The following OCA2 variants were observed in gnomAD, a reference collection of about 807,000 sequenced individuals.
OCA2 encodes the protein OCA2 melanosomal transmembrane protein.
Under a neutral mutation model 100.2 loss-of-function variants are expected in OCA2, and 77 were observed. The ratio of observed to expected loss-of-function variants is 0.77; its 90% CI spans 0.64 to 0.93. OCA2 has a LOEUF of 0.93. Ranked by LOEUF, OCA2 falls within the 40% of genes least tolerant of loss-of-function variation. The pLI is 0.00. For synonymous variants in OCA2, 432 were observed against 439.2 expected, an observed-to-expected ratio of 0.98 and a Z score of 0.21; for missense variants, 1,062 against 1,089.1, an observed-to-expected ratio of 0.98 and a Z score of 0.35.
At chr15:27,824,847 G>T (rs1255989305) in intron 23 of OCA2, among the ~76,000 whole-genome samples, 1 of 151,610 alleles carries the variant, frequency 6.6e-6, no homozygotes, top group Admixed American at 6.6e-5. Context: ...CCGAAGACAG[G>T]CCTCCGTGGA....
intron 1 of OCA2, among the ~76,000 whole-genome samples, chr15:28,083,163 C>G (rs1396401669): frequency 6.6e-6 from 1 of 152,174 alleles, no homozygotes; most frequent in Non-Finnish European, 1.5e-5. Flanking sequence ...GCCCCATGAG[C>G]ACAGAATTCC....
chr15:27,992,841 G>T (rs528890999), intron 9 of OCA2, among the ~76,000 whole-genome samples: 6 of 152,276 alleles, frequency 3.9e-5, no homozygotes, highest in Middle Eastern at 3.4e-3. Flanking sequence ...GCAAAGAGCC[G>T]GCCTGGCACA....
At chr15:27,955,856 C>G (rs1038394694) in intron 16 of OCA2, among the ~76,000 whole-genome samples, 19 of 152,084 alleles carry the variant, frequency 1.2e-4, no homozygotes, top group Non-Finnish European at 1.6e-4. Context: ...CCACTTGCCT[C>G]TTCTTTTTCA....
intron 14 of OCA2, among the ~76,000 whole-genome samples, chr15:27,975,130 C>T (rs1050966578): frequency 6.6e-5 from 10 of 152,242 alleles, no homozygotes; most frequent in South Asian, 4.1e-4. Flanking sequence ...CAGAATATTT[C>T]GATCTAGGAC....
chr15:27,730,975 T>TAA, the OCA2 span, among the ~76,000 whole-genome samples: 51 of 151,740 alleles, frequency 3.4e-4, no homozygotes, highest in African/African-American at 1.2e-3. Flanking sequence ...CTAAGTGAGT[T>TAA]AAAAATTTTT....
At chr15:27,969,895 T>G (rs1595738137) in intron 14 of OCA2, among the ~76,000 whole-genome samples, 1 of 134,928 alleles carries the variant, frequency 7.4e-6, no homozygotes, top group South Asian at 2.3e-4. Context: ...AATTCTTCCA[T>G]GTGAAAATTT....
At chr15:27,910,029 A>G (rs1028790855) in intron 19 of OCA2, among the ~76,000 whole-genome samples, 2 of 152,222 alleles carry the variant, frequency 1.3e-5, no homozygotes, top group Non-Finnish European at 2.9e-5. Context: ...CAAAGACGCA[A>G]TCGAAAAACA....
At chr15:27,767,310 GC>G (rs2031342401) in intron 23 of OCA2, among the ~76,000 whole-genome samples, 2 of 152,166 alleles carry the variant, frequency 1.3e-5, no homozygotes, top group South Asian at 4.1e-4. Flanking sequence ...CACCTTCTTT[GC>G]CCCTATCCAG....
chr15:28,019,551 G>A (rs897215913), intron 6 of OCA2, among the ~76,000 whole-genome samples: 4 of 152,132 alleles, frequency 2.6e-5, no homozygotes, highest in South Asian at 2.1e-4. Context: ...CTGAGGTTCC[G>A]AAAGAAAGGT....
the OCA2 span, among the ~76,000 whole-genome samples, chr15:27,730,216 A>C: frequency 3.3e-5 from 5 of 152,178 alleles, no homozygotes; most frequent in Non-Finnish European, 7.4e-5. Flanking sequence ...AACACTTTAT[A>C]TGTCATTGCC....
intron 23 of OCA2, among the ~76,000 whole-genome samples, chr15:27,822,653 G>A (rs559071376): frequency 6.6e-5 from 10 of 152,236 alleles, no homozygotes; most frequent in East Asian, 3.9e-4. Context: ...AGGAAGTTCC[G>A]CATCTTTTCA....
chr15:28,005,120 C>T (rs2141148720), intron 9 of OCA2, among the ~76,000 whole-genome samples: 1 of 152,228 alleles, frequency 6.6e-6, no homozygotes, highest in South Asian at 2.1e-4. Flanking sequence ...GCTTGGGAGG[C>T]TCCTCTCACA....
In OCA2 at chr15:28,027,860, A is replaced by C. The variant is rs1009922918; in HGVS notation, c.515+11T>G. The stretch of plus-strand genomic sequence containing the variant: ...CGCTGCTGCCAGGGTGGGCACCCCA[A>C]GTCCGCCTACCTCAGCTTGGAAAGA... On this transcript the variant is annotated intron_variant, in intron 4 of 23. Transcript: ENST00000354638. The C allele has an allele frequency of 1.2e-6, 2 of 1,611,912 alleles. No individual in the cohort carries two copies. The highest frequency in any genetic ancestry group is 1.7e-5 in the Admixed American group (1 of 60,000).
intron 2 of OCA2, among the ~76,000 whole-genome samples, chr15:28,069,383 T>TCCCCCCCCCCCCCCCCCC (rs1462783251): frequency 1.8e-4 from 1 of 5,594 alleles, no homozygotes; most frequent in Non-Finnish European, 2.6e-4. Flanking sequence ...TCCCTCTCCC[T>TCCCCCCCCCCCCCCCCCC]CCCCCTCCCC....
At chr15:27,887,537 G>T (rs1448424938) in intron 19 of OCA2, among the ~76,000 whole-genome samples, 1 of 151,092 alleles carries the variant, frequency 6.6e-6, no homozygotes. Flanking sequence ...TCACACCTGG[G>T]ATCTCAGGCC....
At chr15:27,879,743 G>T (rs1055979373) in intron 19 of OCA2, among the ~76,000 whole-genome samples, 1 of 151,974 alleles carries the variant, frequency 6.6e-6, no homozygotes, top group Admixed American at 6.6e-5. Context: ...TGTAGATTCT[G>T]GATATTAGAC....
intron 9 of OCA2, among the ~76,000 whole-genome samples, chr15:28,007,831 C>G (rs766058172): frequency 5.9e-5 from 9 of 152,088 alleles, no homozygotes; most frequent in Non-Finnish European, 1.3e-4. Flanking sequence ...ATAAATAACC[C>G]AAGGTATTTC....
intron 1 of OCA2, among the ~76,000 whole-genome samples, chr15:28,087,744 C>G (rs2044802671): frequency 6.6e-6 from 1 of 152,042 alleles, no homozygotes; most frequent in African/African-American, 2.4e-5. Flanking sequence ...GAGACCCTAT[C>G]TCAAAAAATA....
chr15:27,986,474 G>T, intron 12 of OCA2, 113 bp downstream of exon 12: 1 of 795,304 alleles, frequency 1.3e-6, no homozygotes, highest in East Asian at 2.7e-5. Flanking sequence ...TTAAAAGAAG[G>T]ATGGAATTTT....
Sources: allele counts gnomAD v4.1 joint callset (sites outside exome capture counted in the v4.1 genomes callset), GRCh38; gene constraint gnomAD v4.1.1; transcripts MANE v1.5; gene names NCBI Gene and HGNC (gene_info 2026-07-23, HGNC 2026-07-21).